Variants in DCC observed in about 807,000 individuals in gnomAD.
The protein encoded by DCC is netrin receptor DCC.
Under a neutral mutation model 172.5 loss-of-function variants are expected in DCC, and 58 were observed. The ratio of observed to expected loss-of-function variants is 0.34; its 90% CI spans 0.27 to 0.42. The LOEUF is 0.42. Ranked by LOEUF, DCC falls within the 10% of genes least tolerant of loss-of-function variation. The pLI is 1.00. For synonymous variants in DCC, 709 were observed against 644.5 expected, an observed-to-expected ratio of 1.10 and a Z score of -1.52; for missense variants, 1,740 against 1,791.0, an observed-to-expected ratio of 0.97 and a Z score of 0.51.
chr18:52,901,357 A>G (rs545333968), intron 2 of DCC, among the ~76,000 whole-genome samples: 54 of 152,198 alleles, frequency 3.5e-4, no homozygotes, highest in African/African-American at 1.3e-3. Context: ...CGCTTGAACC[A>G]GGAGACAGGT....
intron 12 of DCC, among the ~76,000 whole-genome samples, chr18:53,234,711 T>G (rs1276746851): frequency 6.6e-6 from 1 of 152,172 alleles, no homozygotes; most frequent in Non-Finnish European, 1.5e-5. Context: ...TGACTCCAGT[T>G]TTTTACCTAA....
chr18:52,970,989 G>T (rs1040588997), intron 5 of DCC, among the ~76,000 whole-genome samples: 4 of 152,098 alleles, frequency 2.6e-5, no homozygotes, highest in African/African-American at 7.2e-5. Context: ...ATAAGAGAGG[G>T]TCATAATTAT....
intron 1 of DCC, among the ~76,000 whole-genome samples, chr18:52,427,820 C>CTTTT (rs1321212359): frequency 1.1e-5 from 1 of 91,228 alleles, no homozygotes; most frequent in African/African-American, 4.2e-5. Flanking sequence ...TCCTTTCTTC[C>CTTTT]TTCCTTCCTT....
chr18:53,128,866 CACACATATATATATATATATATAT>C (rs59518494), intron 7 of DCC, among the ~76,000 whole-genome samples: 3,089 of 86,870 alleles, frequency 0.036, 114 homozygotes, highest in African/African-American at 0.15. Flanking sequence ...CACACACACA[CACACATATATATATATATATATAT>C]ATATATATAT....
chr18:52,871,543 C>T (rs1037841789), intron 2 of DCC, among the ~76,000 whole-genome samples: 1 of 152,130 alleles, frequency 6.6e-6, no homozygotes, highest in African/African-American at 2.4e-5. Context: ...AGTTCACTGC[C>T]ACCTTGAATT....
intron 5 of DCC, among the ~76,000 whole-genome samples, chr18:52,968,600 C>T (rs2040972616): frequency 6.6e-6 from 1 of 152,072 alleles, no homozygotes; most frequent in African/African-American, 2.4e-5. Context: ...TGGAATTTAC[C>T]TCTTAACCAT....
chr18:52,814,934 TTC>T (rs1213571062), intron 2 of DCC, among the ~76,000 whole-genome samples: 1 of 152,132 alleles, frequency 6.6e-6, no homozygotes, highest in Non-Finnish European at 1.5e-5. Flanking sequence ...GAGGCTATAT[TTC>T]TGAGTTGCTT....
chr18:53,013,549 G>A (rs184556319), intron 5 of DCC, among the ~76,000 whole-genome samples: 172 of 151,966 alleles, frequency 1.1e-3, no homozygotes, highest in African/African-American at 3.8e-3. Context: ...CGGGGGGTGG[G>A]GAGTGAGGGG....
rs867800621 is a variant in DCC, at chr18:52,986,831, T to C, written c.985+61461T>C. 2.6e-4 allele frequency among the ~76,000 whole-genome samples: 31 copies of C among 119,120 alleles called. No individual in the cohort carries two copies. In the East Asian group the frequency reaches 0.012, roughly 48 times the overall value. 78.1% of individuals were successfully genotyped at this position (119,120 alleles called of 152,430 possible). A position where few individuals can be genotyped will look rare whatever the true frequency, so the allele number is the denominator to read the frequency against. On this transcript the variant is annotated intron_variant, in intron 5 of 28. Coordinates refer to ENST00000442544, the MANE Select transcript of DCC (RefSeq NM_005215.4). ...GTATATATATACACACACACACATA[T>C]ACATACACACACACACACACACACA...
chr18:53,401,744 G>A (rs576352073), intron 18 of DCC, among the ~76,000 whole-genome samples: 321 of 152,230 alleles, frequency 2.1e-3, no homozygotes, highest in African/African-American at 7.4e-3. Flanking sequence ...CAAAGTTGCC[G>A]TGGATAACAG....
chr18:53,067,485 G>C (rs965165910), intron 7 of DCC, among the ~76,000 whole-genome samples: 1 of 152,082 alleles, frequency 6.6e-6, no homozygotes, highest in Non-Finnish European at 1.5e-5. Context: ...TCACACTACT[G>C]CACTACAACC....
At chr18:53,059,177 G>C (rs933190329) in intron 5 of DCC, among the ~76,000 whole-genome samples, 2 of 152,072 alleles carry the variant, frequency 1.3e-5, no homozygotes, top group African/African-American at 4.8e-5. Context: ...CAGCACGAGG[G>C]TAACTGTCTC....
At chr18:52,895,689 T>C (rs1035911979) in intron 2 of DCC, among the ~76,000 whole-genome samples, 1 of 152,214 alleles carries the variant, frequency 6.6e-6, no homozygotes, top group African/African-American at 2.4e-5. Context: ...CCATTTTATA[T>C]TTTTTACTAT....
chr18:53,320,274 G>A (rs1046690358), intron 13 of DCC, among the ~76,000 whole-genome samples: 3 of 151,892 alleles, frequency 2.0e-5, no homozygotes, highest in African/African-American at 7.3e-5. Flanking sequence ...GGGTTCCACC[G>A]TGTTAGCCAG....
intron 3 of DCC, among the ~76,000 whole-genome samples, chr18:52,919,543 G>A (rs531052855): frequency 2.6e-5 from 4 of 151,992 alleles, no homozygotes; most frequent in Admixed American, 6.6e-5. Context: ...ATGAAGCTAC[G>A]ATGGTAACAA....
At chr18:52,388,580 GA>G (rs796098332) in intron 1 of DCC, among the ~76,000 whole-genome samples, 90 of 143,224 alleles carry the variant, frequency 6.3e-4, no homozygotes, top group East Asian at 1.0e-3. Flanking sequence ...ATGTGTAGGG[GA>G]AAAAAAAAAA....
rs924118561 is a variant in DCC, at chr18:52,340,416, C to T, written c.-372C>T. 1.2e-5 allele frequency: 4 copies of T among 321,406 alleles called. No homozygotes were observed. Among genetic ancestry groups the T allele is most frequent in the African/African-American group, 6.3e-5 (3 of 47,498 alleles). 19.9% of individuals were successfully genotyped at this position (321,406 alleles called of 1,614,324 possible). On this transcript the variant is annotated 5_prime_UTR_variant, in exon 1 of 29. Coordinates refer to ENST00000442544, the MANE Select transcript of DCC (RefSeq NM_005215.4). ...GCCACAGGATTGCCTTCCATCTCCT[C>T]TTGGTCCCTCCTGGATGTGGTTTAT...
rs145463646 is a variant in DCC, at chr18:53,200,683, C to T, written c.1574-4533C>T. 5.9e-5 allele frequency among the ~76,000 whole-genome samples: 9 copies of T among 152,210 alleles called. No homozygotes were observed. The East Asian group carries it at 1.2e-3, about 20-fold the overall frequency. ...CTATAGTCTATTTTCCCCCATGATG[C>T]CTGACGGAAGTGTGTGTGTGGTTGT... On this transcript the variant is annotated intron_variant, in intron 9 of 28. Coordinates refer to ENST00000442544, the MANE Select transcript of DCC (RefSeq NM_005215.4).
chr18:52,397,079 G>C (rs1413594453), intron 1 of DCC, among the ~76,000 whole-genome samples: 1 of 151,922 alleles, frequency 6.6e-6, no homozygotes, highest in Non-Finnish European at 1.5e-5. Context: ...TCAATGAATG[G>C]GGATGATCAC....
Sources: allele counts gnomAD v4.1 joint callset (sites outside exome capture counted in the v4.1 genomes callset), GRCh38; gene constraint gnomAD v4.1.1; transcripts MANE v1.5; gene names NCBI Gene and HGNC (gene_info 2026-07-23, HGNC 2026-07-21).